Variants in OFD1 observed in about 807,000 individuals in gnomAD.
OFD1 encodes OFD1 centriole and centriolar satellite protein.
In OFD1, 12 loss-of-function variants were observed where a neutral mutation model predicts 81.4. The observed-to-expected ratio is 0.15, with a 90% CI of 0.09 to 0.24. The LOEUF is 0.24. Among genes scored for constraint, OFD1 ranks in the 10% least tolerant of loss-of-function variants. The pLI is 1.00. For missense variants in OFD1, 685 were observed against 733.9 expected, an observed-to-expected ratio of 0.93 and a Z score of 0.77; for synonymous variants, 256 against 263.7, an observed-to-expected ratio of 0.97 and a Z score of 0.28.
chrX:13,730,717 C>T (rs1261612859), upstream of OFD1, among the ~76,000 whole-genome samples: 1 of 111,216 alleles, frequency 9.0e-6, no homozygotes, highest in African/African-American at 3.3e-5. Flanking sequence ...CACATATACA[C>T]CATGGAATAC....
At chrX:13,749,245 A>C (rs1302657436) in intron 8 of OFD1, among the ~76,000 whole-genome samples, 182 bp from the exon 9 acceptor site, 2 of 111,479 alleles carry the variant, frequency 1.8e-5, no homozygotes, top group Non-Finnish European at 3.8e-5. Context: ...TCATTGGGGG[A>C]GTAAATTTTT....
intron 2 of OFD1, chrX:13,736,059 T>C (rs759072092): frequency 9.9e-6 from 6 of 606,614 alleles, no homozygotes; most frequent in Non-Finnish European, 1.2e-5. Context: ...TTTTGTAATG[T>C]ATATAGCAGT....
At chrX:13,736,058 G>A in intron 2 of OFD1, 1 of 600,432 alleles carries the variant, frequency 1.7e-6, no homozygotes, top group Non-Finnish European at 2.0e-6. Flanking sequence ...TTTTTGTAAT[G>A]TATATAGCAG....
At chrX:13,744,326 T>C (rs1187597386) in intron 5 of OFD1, 89 bp from the exon 6 acceptor site, 1 of 544,533 alleles carries the variant, frequency 1.8e-6, no homozygotes, top group Admixed American at 2.8e-5. Context: ...ATGTAAAAAA[T>C]GATAATGTCC....
At chrX:13,714,774 C>T in the OFD1 span, among the ~76,000 whole-genome samples, 13 of 111,308 alleles carry the variant, frequency 1.2e-4, no homozygotes, top group South Asian at 4.9e-3. Context: ...CAGAATTTAC[C>T]GTGTGTGTGA....
chrX:13,734,524 C>A, upstream of OFD1: 1 of 273,254 alleles, frequency 3.7e-6, no homozygotes, highest in Non-Finnish European at 5.7e-6. Flanking sequence ...CCATTCCCTA[C>A]CTGCAGTGGG....
At chrX:13,773,113 C>A (rs1007328195), downstream of OFD1, 12 of 873,099 alleles carry the variant, frequency 1.4e-5, no homozygotes, top group African/African-American at 1.8e-4. Flanking sequence ...ACAGACTTGA[C>A]TTTAAAGGGG....
intron 5 of OFD1, chrX:13,739,748 CAAA>C (rs538747990): frequency 3.7e-5 from 20 of 543,801 alleles, no homozygotes; most frequent in Non-Finnish European, 4.1e-5. Context: ...AACTCCGTCT[CAAA>C]AAAAAAAAAA....
chrX:13,727,927 G>A, the OFD1 span, among the ~76,000 whole-genome samples: 3 of 111,514 alleles, frequency 2.7e-5, no homozygotes, highest in African/African-American at 6.5e-5. Context: ...TATCACCACC[G>A]ATCCCACAGA....
At chrX:13,719,244 G>A in the OFD1 span, among the ~76,000 whole-genome samples, 1 of 58,886 alleles carries the variant, frequency 1.7e-5, no homozygotes, top group East Asian at 5.2e-4. Flanking sequence ...CCATTTCCTT[G>A]TCTCAAAAAA....
upstream of OFD1, chrX:13,734,408 C>A: frequency 3.7e-6 from 1 of 269,991 alleles, no homozygotes; most frequent in Non-Finnish European, 6.6e-6. Flanking sequence ...CAGGTCCGGC[C>A]CGGCCACCCC....
At chrX:13,744,595 A>G (rs2146959999) in intron 6 of OFD1, 76 bp downstream of exon 6, 1 of 643,353 alleles carries the variant, frequency 1.6e-6, no homozygotes, top group East Asian at 3.4e-5. Flanking sequence ...GATTTACCAT[A>G]TTGTGTGATT....
intron 22 of OFD1, 136 bp from the exon 23 acceptor site, chrX:13,768,930 C>G (rs1019394263): frequency 8.2e-5 from 62 of 752,238 alleles, no homozygotes; most frequent in African/African-American, 1.7e-4. Context: ...AGTTTTTTGA[C>G]TTGTGAAATT....
At chrX:13,716,908 GTATA>G in the OFD1 span, among the ~76,000 whole-genome samples, 1 of 109,882 alleles carries the variant, frequency 9.1e-6, no homozygotes, top group African/African-American at 3.3e-5. Context: ...AATGAAATGT[GTATA>G]TAGAGGATTT....
chrX:13,728,450 G>A, the OFD1 span, among the ~76,000 whole-genome samples: 1 of 111,727 alleles, frequency 9.0e-6, no homozygotes, highest in East Asian at 2.8e-4. Context: ...TTCAACATAC[G>A]CAAATCGATA....
At chrX:13,729,400 T>G in the OFD1 span, among the ~76,000 whole-genome samples, 1 of 111,256 alleles carries the variant, frequency 9.0e-6, no homozygotes, top group Non-Finnish European at 1.9e-5. Context: ...CCGAAACAGA[T>G]ATATAGACCA....
In OFD1 at chrX:13,739,013, T is replaced by C; in HGVS notation, c.393T>C (p.Ser131=). ...SSLYKSLVSG[S]DKENQKGFLM... ...TTTTCTTTTAACAGGTTTCAGGATC[T>C]GATAAAGAAAATCAAAAAGGTAGGA... Residue 131 remains serine (S), a synonymous_variant, in exon 5 of 23, where the codon TCT becomes TCC. Coordinates refer to ENST00000340096, the MANE Select transcript of OFD1 (RefSeq NM_003611.3). 1 of 1,203,805 alleles carries C rather than the reference T, an allele frequency of 8.3e-7. No individual in the cohort carries two copies.
chrX:13,744,182 A>G (rs141908521), intron 5 of OFD1, among the ~76,000 whole-genome samples: 88 of 111,241 alleles, frequency 7.9e-4, no homozygotes, highest in Non-Finnish European at 1.5e-3. Context: ...AGTCCCAGCT[A>G]CTTGGGAGAC....
At chrX:13,767,642 G>A in intron 20 of OFD1, among the ~76,000 whole-genome samples, 1 of 111,980 alleles carries the variant, frequency 8.9e-6, no homozygotes, top group Non-Finnish European at 1.9e-5. Flanking sequence ...AGAACCCAAG[G>A]GAGGAGTGGC....
Sources: allele counts gnomAD v4.1 joint callset (sites outside exome capture counted in the v4.1 genomes callset), GRCh38; gene constraint gnomAD v4.1.1; transcripts MANE v1.5; gene names NCBI Gene and HGNC (gene_info 2026-07-23, HGNC 2026-07-21).